SLC25A24: variants seen among roughly 807,000 people sequenced by gnomAD.
The protein encoded by SLC25A24 is mitochondrial adenyl nucleotide antiporter SLC25A24.
SLC25A24 carries 49 observed loss-of-function variants against 60.7 expected under a neutral mutation model. That is an observed-to-expected ratio of 0.81 (90% confidence interval 0.64 to 1.02). The LOEUF is 1.02. Ranked by LOEUF, SLC25A24 falls within the 50% of genes least tolerant of loss-of-function variation. The pLI is 0.00. For synonymous variants in SLC25A24, 202 were observed against 200.6 expected (o/e 1.01, Z -0.06); for missense variants, 564 against 586.3 (o/e 0.96, Z 0.39).
chr1:108,152,781 T>G (rs910439661), intron 6 of SLC25A24, among the ~76,000 whole-genome samples: 4 of 152,180 alleles, frequency 2.6e-5, no homozygotes, highest in African/African-American at 9.7e-5. Context: ...AGCTACTGCC[T>G]AAGGAAGCTC....
chr1:108,143,293 T>G (rs1353314858), intron 8 of SLC25A24, among the ~76,000 whole-genome samples: 1 of 152,202 alleles, frequency 6.6e-6, no homozygotes, highest in Non-Finnish European at 1.5e-5. Context: ...AGAAACACCT[T>G]TTAAGGTGAA....
chr1:108,150,373 T>A (rs1679724190), intron 6 of SLC25A24, among the ~76,000 whole-genome samples: 1 of 152,146 alleles, frequency 6.6e-6, no homozygotes, highest in East Asian at 1.9e-4. Flanking sequence ...GAGGTAATAG[T>A]CACAGAGACT....
chr1:108,153,926 A>C (rs566166619), intron 6 of SLC25A24, among the ~76,000 whole-genome samples: 1 of 152,286 alleles, frequency 6.6e-6, no homozygotes, highest in East Asian at 1.9e-4. Context: ...CTATCATAAA[A>C]TCCAAGTATG....
intron 4 of SLC25A24, among the ~76,000 whole-genome samples, chr1:108,158,729 A>G (rs1216091537): frequency 3.3e-5 from 5 of 150,432 alleles, no homozygotes; most frequent in Non-Finnish European, 7.4e-5. Flanking sequence ...AAGGCCGGGC[A>G]CAGTGGCTCA....
chr1:108,190,703 T>TAAATAAAATAA (rs1250475780), intron 1 of SLC25A24, among the ~76,000 whole-genome samples: 37 of 124,734 alleles, frequency 3.0e-4, no homozygotes, highest in Admixed American at 9.2e-4. Context: ...CTTTTTTTTT[T>TAAATAAAATAA]TTTTAATCAG....
At chr1:108,199,581 T>G (rs893082666) in intron 1 of SLC25A24, 5 of 367,476 alleles carry the variant, frequency 1.4e-5, no homozygotes, top group Non-Finnish European at 1.9e-5. Context: ...ATACAAAACT[T>G]GGGACCCACT....
intron 1 of SLC25A24, among the ~76,000 whole-genome samples, chr1:108,188,828 T>C (rs1395543362): frequency 6.6e-6 from 1 of 152,196 alleles, no homozygotes; most frequent in Non-Finnish European, 1.5e-5. Flanking sequence ...TCCTTAGGCA[T>C]GCATAGTTAC....
chr1:108,157,642 C>G, intron 4 of SLC25A24, 22 bp from the exon 5 acceptor site: 1 of 1,598,046 alleles, frequency 6.3e-7, no homozygotes, highest in Non-Finnish European at 8.5e-7. Flanking sequence ...AAAAAAAGAT[C>G]CCCATGCGCC....
intron 3 of SLC25A24, among the ~76,000 whole-genome samples, chr1:108,172,250 C>T (rs1268445432): frequency 6.6e-6 from 1 of 152,232 alleles, no homozygotes; most frequent in Non-Finnish European, 1.5e-5. Context: ...GGCTATATTT[C>T]AACTCAGTGA....
At chr1:108,154,534 A>G (rs186604658) in intron 6 of SLC25A24, among the ~76,000 whole-genome samples, 1 of 152,332 alleles carries the variant, frequency 6.6e-6, no homozygotes, top group East Asian at 1.9e-4. Context: ...GCTGGAGTAC[A>G]TGGGGAAGAA....
At chr1:108,145,289 T>C (rs1679554406) in intron 7 of SLC25A24, among the ~76,000 whole-genome samples, 1 of 152,190 alleles carries the variant, frequency 6.6e-6, no homozygotes, top group South Asian at 2.1e-4. Context: ...TTTGCTTAAG[T>C]TCCTTATAGA....
intron 1 of SLC25A24, among the ~76,000 whole-genome samples, chr1:108,196,174 T>TA (rs1225478811): frequency 3.9e-5 from 6 of 152,110 alleles, no homozygotes; most frequent in African/African-American, 1.2e-4. Context: ...TGTAAAAACT[T>TA]AAAGACAGAA....
intron 7 of SLC25A24, among the ~76,000 whole-genome samples, chr1:108,144,646 G>A (rs1222672804): frequency 6.6e-6 from 1 of 151,876 alleles, no homozygotes; most frequent in African/African-American, 2.4e-5. Flanking sequence ...TATTCTCATT[G>A]TTCAACTCCA....
At chr1:108,185,280 G>A (rs573357326) in intron 2 of SLC25A24, among the ~76,000 whole-genome samples, 69 of 152,132 alleles carry the variant, frequency 4.5e-4, no homozygotes, top group African/African-American at 1.6e-3. Context: ...CCTATTAATC[G>A]AAATATAGAA....
rs375592750 is a variant in SLC25A24, at chr1:108,136,808, T to C, written c.1279A>G (p.Met427Val). Residue 427 changes from methionine to valine, a missense_variant, in exon 10 of 10, where the codon ATG becomes GTG. By Grantham distance (21) the Met-to-Val change is conservative. Transcript: ENST00000565488. ...AMLEGSPQLN[M>V]VGLFRRIISK... ...ATAATTCGTCGAAAGAGGCCAACCA[T>C]ATTCAGCTGTGGGGAACCTTCTAAC... 3 of 1,614,126 alleles carry C rather than the reference T, an allele frequency of 1.9e-6. No individual in the cohort carries two copies. Among genetic ancestry groups the C allele is most frequent in the Admixed American group, 1.7e-5 (1 of 60,014 alleles).
At chr1:108,163,508 C>G (rs953457342) in intron 3 of SLC25A24, among the ~76,000 whole-genome samples, 4 of 151,638 alleles carry the variant, frequency 2.6e-5, no homozygotes, top group African/African-American at 9.7e-5. Flanking sequence ...AGAGGTCCTT[C>G]ACATCCCTTG....
intron 1 of SLC25A24, among the ~76,000 whole-genome samples, chr1:108,195,068 A>G (rs1648452343): frequency 6.6e-6 from 1 of 152,242 alleles, no homozygotes; most frequent in Non-Finnish European, 1.5e-5. Context: ...ATCCTGTCAA[A>G]TATAGATACC....
At chr1:108,139,658 G>A (rs983583778) in intron 8 of SLC25A24, among the ~76,000 whole-genome samples, 2 of 151,900 alleles carry the variant, frequency 1.3e-5, no homozygotes, top group Admixed American at 1.3e-4. Context: ...ATGGAGTCTC[G>A]CTCTTGTCAC....
At chr1:108,178,268 C>T (rs1036642937) in intron 3 of SLC25A24, among the ~76,000 whole-genome samples, 5 of 152,176 alleles carry the variant, frequency 3.3e-5, no homozygotes, top group Non-Finnish European at 7.4e-5. Context: ...GACTTCAACA[C>T]CCTACCTTCA....
Sources: gnomAD v4.1 joint callset for allele counts (sites outside exome capture counted in the v4.1 genomes callset) on GRCh38, gnomAD v4.1.1 for gene constraint, MANE v1.5 for transcripts, NCBI Gene and HGNC (gene_info 2026-07-23, HGNC 2026-07-21) for gene names.